Variants in DNAH8 observed in about 807,000 individuals in gnomAD.
The protein encoded by DNAH8 is dynein axonemal heavy chain 8.
In DNAH8, 382 loss-of-function variants were observed where a neutral mutation model predicts 562.1. The ratio of observed to expected loss-of-function variants is 0.68; its 90% CI spans 0.63 to 0.74. DNAH8 has a LOEUF of 0.74. Among genes scored for constraint, DNAH8 ranks in the 30% least tolerant of loss-of-function variants. The pLI is 0.00. For missense variants in DNAH8, 5,203 were observed against 5,620.4 expected (o/e 0.93, Z 2.37); for synonymous variants, 1,881 against 1,919.4 (o/e 0.98, Z 0.52).
In DNAH8 at chr6:39,030,306, T is replaced by G; in HGVS notation, c.14038T>G (p.Phe4680Val). The G allele has an allele frequency of 6.2e-7, 1 of 1,614,160 alleles. No individual in the cohort carries two copies. ...YKKPRRTDLT[F>V]ITVVYLRTVL... ...GAAACCCAGGCGAACTGATTTGACC[T>G]TCATCACTGTGGTATATTTACGAAC... The change falls in exon 93 of 93, where the codon TTC (phenylalanine) becomes GTC (valine). Residue 4680 changes from phenylalanine to valine, a missense_variant. Physicochemically the swap from Phe to Val is conservative, Grantham distance 50. Around this residue, in one of 6 missense-constraint regions of DNAH8, gnomAD observed 1,399 missense variants for 1,518.4 expected, o/e 0.92. Coordinates refer to ENST00000327475, the MANE Select transcript of DNAH8 (RefSeq NM_001206927.2).
At chr6:38,895,974 G>A (rs1779648981) in intron 59 of DNAH8, 59 bp from the exon 60 acceptor site, 1 of 1,446,064 alleles carries the variant, frequency 6.9e-7, no homozygotes, top group Non-Finnish European at 9.6e-7. Context: ...GAAGGGACAT[G>A]TTCAGTTAGA....
At chr6:38,821,656 T>A (rs1279458470) in intron 26 of DNAH8, among the ~76,000 whole-genome samples, 1 of 152,162 alleles carries the variant, frequency 6.6e-6, no homozygotes, top group Non-Finnish European at 1.5e-5. Context: ...CTCTGCCTTC[T>A]TGGCTGAAGC....
chr6:38,885,044 G>A (rs80312260), intron 56 of DNAH8, among the ~76,000 whole-genome samples: 1,976 of 152,222 alleles, frequency 0.013, 15 homozygotes, highest in Non-Finnish European at 0.02. Flanking sequence ...ATCCTGTGGC[G>A]AAAAACCAAA....
chr6:38,760,879 G>A (rs921341412), intron 10 of DNAH8, among the ~76,000 whole-genome samples: 6 of 152,080 alleles, frequency 3.9e-5, no homozygotes, highest in Non-Finnish European at 8.8e-5. Context: ...ACAGCCTACA[G>A]AGCTGTGAGC....
At chr6:38,732,554 G>A (rs928616294) in intron 4 of DNAH8, among the ~76,000 whole-genome samples, 9 of 152,228 alleles carry the variant, frequency 5.9e-5, no homozygotes, top group South Asian at 2.1e-4. Flanking sequence ...TTCGGGAGGC[G>A]GAAGGTGGAT....
chr6:38,863,956 A>G lies in DNAH8; in HGVS notation c.6394A>G (p.Ile2132Val). Residue 2132 changes from isoleucine (I) to valine (V), a missense_variant, in exon 45 of 93, where the codon ATT (isoleucine) becomes GTT (valine). Coordinates refer to ENST00000327475, the MANE Select transcript of DNAH8 (RefSeq NM_001206927.2). ...LPVLSVAAQQ[I>V]YIVLTARKER... Reference sequence around the variant, plus strand: ...TGTATTATCAGTGGCAGCACAACAAATTTATATTGTTTTGACAGCAAGAAA... The same window carrying G: ...TGTATTATCAGTGGCAGCACAACAAGTTTATATTGTTTTGACAGCAAGAAA... 6.2e-7 allele frequency: 1 copy of G among 1,613,002 alleles called. No homozygotes were observed. Among genetic ancestry groups the G allele is most frequent in the Non-Finnish European group, 8.5e-7 (1 of 1,179,768 alleles).
rs367790601 is a variant in DNAH8 at position 38,803,160 on chromosome 6, T to C, written c.2902-19T>C. The C allele has an allele frequency of 6.5e-7, 1 of 1,542,126 alleles. No individual in the cohort carries two copies. Among genetic ancestry groups the C allele is most frequent in the Non-Finnish European group, 8.8e-7 (1 of 1,142,306 alleles). On this transcript the variant is annotated intron_variant, in intron 21 of 92. Coordinates refer to ENST00000327475, the MANE Select transcript of DNAH8 (RefSeq NM_001206927.2). ...CTTTTAAGTATCTGGAAAATAATAGTCATTTCTTTATTTAACAGACATACA... is the reference window on the plus strand; with the variant it reads ...CTTTTAAGTATCTGGAAAATAATAGCCATTTCTTTATTTAACAGACATACA...
In DNAH8 at chr6:38,822,881, T is replaced by G. The variant is rs1772993019; in HGVS notation, c.3567T>G (p.Phe1189Leu). ...TTCCTGCGAGGAAGCTGAAGAATTT[T>G]TACCCGGGGGTAGCGGAGCACAAGG... is the stretch of plus-strand genomic sequence containing the variant. ...EAIPARKLKN[F>L]YPGVAEHKDI... is the part of the protein sequence containing the mutation. Residue 1189 changes from phenylalanine to leucine, a missense_variant, in exon 27 of 93, where the codon TTT (phenylalanine) becomes TTG (leucine). Physicochemically the swap from Phe to Leu is conservative, Grantham distance 22. Coordinates refer to ENST00000327475, the MANE Select transcript of DNAH8 (RefSeq NM_001206927.2). The G allele has an allele frequency of 1.9e-6, 3 of 1,605,516 alleles. No individual in the cohort carries two copies. Among genetic ancestry groups the G allele is most frequent in the Non-Finnish European group, 2.5e-6 (3 of 1,177,726 alleles).
intron 29 of DNAH8, among the ~76,000 whole-genome samples, chr6:38,826,694 G>A (rs1253644848): frequency 6.6e-6 from 1 of 152,144 alleles, no homozygotes; most frequent in Non-Finnish European, 1.5e-5. Context: ...ATTGTCCCTT[G>A]TCATGTCAAT....
At chr6:38,923,933 A>C in intron 72 of DNAH8, 58 bp from the exon 73 acceptor site, 1 of 1,586,784 alleles carries the variant, frequency 6.3e-7, no homozygotes, top group Admixed American at 1.7e-5. Flanking sequence ...GTGACCTCTC[A>C]AACAACTTAA....
intron 79 of DNAH8, among the ~76,000 whole-genome samples, chr6:38,943,819 A>G (rs1022018255): frequency 6.6e-6 from 1 of 152,148 alleles, no homozygotes; most frequent in Non-Finnish European, 1.5e-5. Context: ...CATAGCTCTT[A>G]TTATTATTCT....
At chr6:38,764,234 C>T (rs1678736) in intron 11 of DNAH8, 34,063 of 153,876 alleles carry the variant, frequency 0.22, 4,214 homozygotes, top group East Asian at 0.45. Context: ...TTGTGTGTGA[C>T]AAGCATCTAA....
At chr6:38,749,015 G>C (rs1477346767) in intron 8 of DNAH8, among the ~76,000 whole-genome samples, 1 of 151,960 alleles carries the variant, frequency 6.6e-6, no homozygotes, top group Non-Finnish European at 1.5e-5. Context: ...CACACTGAAG[G>C]CTTCCTTTCA....
intron 49 of DNAH8, among the ~76,000 whole-genome samples, chr6:38,872,255 A>C (rs1409506213): frequency 1.3e-5 from 2 of 152,196 alleles, no homozygotes; most frequent in Non-Finnish European, 2.9e-5. Flanking sequence ...CCAAAATCAC[A>C]GGGAATCATC....
At chr6:38,988,792 T>C (rs1050610667) in intron 87 of DNAH8, among the ~76,000 whole-genome samples, 9 of 152,180 alleles carry the variant, frequency 5.9e-5, no homozygotes, top group Non-Finnish European at 1.3e-4. Flanking sequence ...AAGGCTTAGC[T>C]CCAAAAATCA....
At position 38,896,163 on chromosome 6, in the gene DNAH8, C is replaced by T; in HGVS notation, c.8878C>T (p.Pro2960Ser). 4 of 1,613,772 alleles carry T rather than the reference C, an allele frequency of 2.5e-6. No individual in the cohort carries two copies. The highest frequency in any genetic ancestry group is 3.4e-6 in the Non-Finnish European group (4 of 1,179,900). ...PYFVDFLREM[P>S]EPTGDEPEDS... ...CTTTGTGGATTTTCTTCGTGAGATG[C>T]CAGAACCAACTGGTGATGAACCTGA... is the stretch of plus-strand genomic sequence containing the variant. Residue 2960 changes from proline to serine, a missense_variant, in exon 60 of 93, where the codon CCA becomes TCA. Physicochemically the swap from Pro to Ser is moderately conservative, Grantham distance 74 (BLOSUM62 -1). Transcript: ENST00000327475.
At chr6:38,739,626 G>A (rs550096377) in intron 7 of DNAH8, among the ~76,000 whole-genome samples, 1 of 152,212 alleles carries the variant, frequency 6.6e-6, no homozygotes, top group South Asian at 2.1e-4. Flanking sequence ...GGGGAACGCA[G>A]TGAGACCCAG....
At chr6:38,811,150 A>G (rs1771757511) in intron 24 of DNAH8, among the ~76,000 whole-genome samples, 1 of 152,214 alleles carries the variant, frequency 6.6e-6, no homozygotes, top group African/African-American at 2.4e-5. Context: ...CCTTAATGCT[A>G]GAAAAAACCT....
intron 67 of DNAH8, among the ~76,000 whole-genome samples, chr6:38,914,463 T>G (rs1781149405): frequency 7.4e-6 from 1 of 134,330 alleles, no homozygotes; most frequent in Non-Finnish European, 1.5e-5. Flanking sequence ...TGCAGTGGCG[T>G]GATCTCGGCT....
Sources: gnomAD v4.1 joint callset for allele counts (sites outside exome capture counted in the v4.1 genomes callset) on GRCh38, gnomAD v4.1.1 for gene constraint, gnomAD v4.1.1 regional missense constraint, MANE v1.5 for transcripts, NCBI Gene and HGNC (gene_info 2026-07-23, HGNC 2026-07-21) for gene names.